ABCC12: variants seen among roughly 807,000 people sequenced by gnomAD.
The protein encoded by ABCC12 is ATP-binding cassette sub-family C member 12.
Under a neutral mutation model 151.1 loss-of-function variants are expected in ABCC12, and 142 were observed. That is an observed-to-expected ratio of 0.94 (90% CI 0.82 to 1.08). ABCC12 has a LOEUF of 1.08. ABCC12 is among the 50% of genes least tolerant of loss of function. The pLI, the probability that ABCC12 is intolerant of heterozygous loss-of-function variation, is 0.00. For missense variants in ABCC12, 1,638 were observed against 1,691.1 expected (o/e 0.97, Z 0.55); for synonymous variants, 645 against 646.4 (o/e 1.00, Z 0.03).
chr16:48,086,967 G>A (rs1567442996), intron 27 of ABCC12, 148 bp from the exon 28 acceptor site: 1 of 682,236 alleles, frequency 1.5e-6, no homozygotes. Context: ...GTACAGGACA[G>A]TGGTCCACAA....
chr16:48,149,934 C>A (rs1056070833), intron 2 of ABCC12, among the ~76,000 whole-genome samples: 1 of 152,174 alleles, frequency 6.6e-6, no homozygotes, highest in South Asian at 2.1e-4. Flanking sequence ...CTAAAAATTG[C>A]AAGTCTTGGC....
At position 48,081,383 on chromosome 16, in the gene ABCC12, C is replaced by A. The variant is rs1217891640; in HGVS notation, c.*2332G>T. Among the ~76,000 whole-genome samples the A allele has an allele frequency of 2.0e-5, 3 of 152,148 alleles. No individual in the cohort carries two copies. Among genetic ancestry groups the A allele is most frequent in the African/African-American group, 7.2e-5 (3 of 41,432 alleles). On this transcript the variant is annotated 3_prime_UTR_variant, in exon 31 of 31. Transcript: ENST00000311303. ...TGTCTTATACATGCAAACAGCCAAA[C>A]CCTCAGAAGTCACTCTCCCCCAGGG...
chr16:48,098,669 A>C (rs559806178), intron 23 of ABCC12, among the ~76,000 whole-genome samples: 5 of 152,272 alleles, frequency 3.3e-5, no homozygotes, highest in African/African-American at 1.2e-4. Context: ...GCATAGAAAC[A>C]AAATCACTAG....
chr16:48,105,467 G>A, intron 20 of ABCC12, 131 bp from the exon 21 acceptor site: 2 of 917,826 alleles, frequency 2.2e-6, no homozygotes, highest in Non-Finnish European at 1.7e-6. Flanking sequence ...GAGTCAGGTG[G>A]ATACAATCTA....
Position 48,082,944 on chromosome 16 carries a change from G to C in ABCC12, c.*771C>G, listed in dbSNP as rs779407710. 2 of 152,218 alleles carry C rather than the reference G, an allele frequency of 1.3e-5. No homozygotes were observed. The highest frequency in any genetic ancestry group is 4.8e-5 in the African/African-American group (2 of 41,444). 9.4% of individuals were successfully genotyped at this position (152,218 alleles called of 1,614,324 possible). A position where few individuals can be genotyped will look rare whatever the true frequency, so the allele number is the denominator to read the frequency against. Reference sequence around the variant, plus strand: ...AAAGCTTTTTGTTTGGTAAGCGACTGTGAAGGTTCATTACTGAGTGAAGGG... The same window carrying C: ...AAAGCTTTTTGTTTGGTAAGCGACTCTGAAGGTTCATTACTGAGTGAAGGG... On this transcript the variant is annotated 3_prime_UTR_variant, in exon 31 of 31. Transcript: ENST00000311303.
chr16:48,150,485 A>G (rs1310817761), intron 2 of ABCC12, among the ~76,000 whole-genome samples: 1 of 152,206 alleles, frequency 6.6e-6, no homozygotes, highest in Non-Finnish European at 1.5e-5. Context: ...GAGGGGAAAA[A>G]GCTGCAGAAA....
chr16:48,086,852 A>T, intron 27 of ABCC12, 33 bp from the exon 28 acceptor site: 2 of 1,565,870 alleles, frequency 1.3e-6, no homozygotes, highest in Non-Finnish European at 1.8e-6. Flanking sequence ...ACAGGGAGCC[A>T]GATTTCCAAG....
chr16:48,131,992 C>T (rs1206698869), intron 9 of ABCC12, among the ~76,000 whole-genome samples: 3 of 152,194 alleles, frequency 2.0e-5, no homozygotes, highest in Non-Finnish European at 2.9e-5. Flanking sequence ...CCTGACATGA[C>T]CCTAGCAGAG....
At chr16:48,087,752 C>T in intron 27 of ABCC12, 174 bp downstream of exon 27, 1 of 643,568 alleles carries the variant, frequency 1.6e-6, no homozygotes, top group Non-Finnish European at 2.6e-6. Context: ...CTGGCTCCTC[C>T]CAAGGCTGGA....
chr16:48,096,885 T>A lies in ABCC12; in HGVS notation c.3056A>T (p.Asn1019Ile). ...CAGCGCAAACCACCTGAGAGCACAG[T>A]TAAAGTAGAGGAGGTGACTGGAGTT... ...SCITYHLLYFNCALRWFALRM... is the reference protein window; with the variant it reads ...SCITYHLLYFICALRWFALRM... The change falls in exon 24 of 31, where the codon AAC (asparagine) becomes ATC (isoleucine). Residue 1019 changes from asparagine to isoleucine, a missense_variant. Coordinates refer to ENST00000311303, the MANE Select transcript of ABCC12 (RefSeq NM_001393797.1). The A allele has an allele frequency of 6.2e-7, 1 of 1,613,956 alleles. No homozygotes were observed. Among genetic ancestry groups the A allele is most frequent in the Non-Finnish European group, 8.5e-7 (1 of 1,179,972 alleles).
chr16:48,107,032 C>G (rs113426944), intron 20 of ABCC12, among the ~76,000 whole-genome samples: 1 of 152,232 alleles, frequency 6.6e-6, no homozygotes, highest in African/African-American at 2.4e-5. Context: ...GGCTGTGAAA[C>G]TGACCCAATC....
At chr16:48,106,749 C>T (rs935138055) in intron 20 of ABCC12, among the ~76,000 whole-genome samples, 6 of 152,160 alleles carry the variant, frequency 3.9e-5, no homozygotes, top group African/African-American at 1.4e-4. Context: ...GACCATTGGC[C>T]AAAAGCTGGG....
intron 3 of ABCC12, 61 bp from the exon 4 acceptor site, chr16:48,144,126 C>T: frequency 1.3e-6 from 2 of 1,547,702 alleles, no homozygotes; most frequent in South Asian, 1.2e-5. Flanking sequence ...AACTCTCTCT[C>T]TGGATTGAAC....
Position 48,115,596 on chromosome 16 carries a change from A to T in ABCC12, c.1808T>A (p.Leu603His), listed in dbSNP as rs776316919. Residue 603 changes from leucine to histidine, a missense_variant, in exon 15 of 31, where the codon CTC becomes CAC. Physicochemically the swap from Leu to His is moderately conservative, Grantham distance 99 (BLOSUM62 -3). Transcript: ENST00000311303. ...LTEIGERGLN[L>H]SGGQRQRISL... is the part of the protein sequence containing the mutation. Reference sequence around the variant, plus strand: ...AATCCTCTGCCTCTGCCCCCCAGAGAGGTTGAGGCCCCGCTCCCCAATCTG... The same window carrying T: ...AATCCTCTGCCTCTGCCCCCCAGAGTGGTTGAGGCCCCGCTCCCCAATCTG... The T allele has an allele frequency of 1.2e-6, 2 of 1,613,672 alleles. No individual in the cohort carries two copies. Among genetic ancestry groups the T allele is most frequent in the Non-Finnish European group, 1.7e-6 (2 of 1,179,868 alleles).
Position 48,091,193 on chromosome 16 carries a change from T to C in ABCC12, c.3212A>G (p.Gln1071Arg), listed in dbSNP as rs1239712571. ...CTCTGTTCCCGTTCGCACACACACT[T>C]GGAGCAGTCCGCTCAGCTGTTGAAA... ...SYIIQLSGLLQVCVRTGTETQ... is the reference protein window; with the variant it reads ...SYIIQLSGLLRVCVRTGTETQ... The change falls in exon 25 of 31, where the codon CAA (glutamine) becomes CGA (arginine). Residue 1071 changes from glutamine (Q) to arginine (R), a missense_variant. By Grantham distance (43) the Gln-to-Arg change is conservative (BLOSUM62 1). Transcript: ENST00000311303. 3.7e-6 allele frequency: 6 copies of C among 1,614,036 alleles called. No individual in the cohort carries two copies. The Middle Eastern group carries it at 5.0e-4, about 133-fold the overall frequency.
intron 29 of ABCC12, among the ~76,000 whole-genome samples, chr16:48,085,281 T>C (rs1189917051): frequency 1.3e-5 from 2 of 152,122 alleles, no homozygotes; most frequent in South Asian, 4.1e-4. Context: ...AGATTCAGAA[T>C]TGTTCAGAGA....
intron 10 of ABCC12, among the ~76,000 whole-genome samples, chr16:48,129,762 G>T (rs1274073901): frequency 6.6e-6 from 1 of 152,242 alleles, no homozygotes; most frequent in African/African-American, 2.4e-5. Flanking sequence ...AGCCTCAACT[G>T]AAGGCAATGG....
Position 48,085,765 on chromosome 16 carries a change from G to A in ABCC12, c.3715-59C>T, listed in dbSNP as rs150725456. 193 of 1,388,120 alleles carry A rather than the reference G, an allele frequency of 1.4e-4. No homozygotes were observed. In the African/African-American group the frequency reaches 2.2e-3, roughly 16 times the overall value. 86.0% of individuals were successfully genotyped at this position (1,388,120 alleles called of 1,614,324 possible). ...ATGATCTATAAAATTGTCCTATGCT[G>A]TCTGTATTGATTGCCCCCTTCTCTT... On this transcript the variant is annotated intron_variant, in intron 28 of 30. Coordinates refer to ENST00000311303, the MANE Select transcript of ABCC12 (RefSeq NM_001393797.1).
chr16:48,153,023 C>T (rs1029067215), intron 2 of ABCC12, among the ~76,000 whole-genome samples: 4 of 152,116 alleles, frequency 2.6e-5, no homozygotes, highest in East Asian at 1.9e-4. Context: ...TCAAGTCACC[C>T]GCCTGACCCT....
Sources: allele counts gnomAD v4.1 joint callset (sites outside exome capture counted in the v4.1 genomes callset), GRCh38; gene constraint gnomAD v4.1.1; transcripts MANE v1.5; gene names NCBI Gene and HGNC (gene_info 2026-07-23, HGNC 2026-07-21).